The following DNM1L variants were observed in gnomAD, a reference collection of about 807,000 sequenced individuals.
The protein encoded by DNM1L is dynamin-1-like protein.
In DNM1L, 33 loss-of-function variants were observed where a neutral mutation model predicts 92.8. That is an observed-to-expected ratio of 0.36 (90% CI 0.27 to 0.48). DNM1L has a LOEUF of 0.48. DNM1L is among the 20% of genes least tolerant of loss of function. The pLI is 0.99. For missense variants in DNM1L, 485 were observed against 888.8 expected (o/e 0.55, Z 5.78); for synonymous variants, 284 against 305.0 (o/e 0.93, Z 0.72).
Position 32,743,526 on chromosome 12 carries a change from T to TG in DNM1L, c.*118dup. On this transcript the variant is annotated 3_prime_UTR_variant, in exon 20 of 20. Coordinates refer to ENST00000549701, the MANE Select transcript of DNM1L (RefSeq NM_012062.5). ...TTGCAATGGTATGAATCTGCTCATGTGGAGACTGGCTATAAACTGAAAAGT... is the reference window on the plus strand; with the variant it reads ...TTGCAATGGTATGAATCTGCTCATGTGGGAGACTGGCTATAAACTGAAAAGT... The TG allele has an allele frequency of 1.0e-6, 1 of 974,540 alleles. No homozygotes were observed. Among genetic ancestry groups the TG allele is most frequent in the East Asian group, 2.5e-5 (1 of 39,782 alleles). The allele number at this position is 974,540 out of a possible 1,614,324, so 60.4% of individuals were successfully genotyped here. A position where few individuals can be genotyped will look rare whatever the true frequency, so the allele number is the denominator to read the frequency against.
chr12:32,720,523 C>A, intron 7 of DNM1L, 141 bp from the exon 8 acceptor site: 2 of 1,281,082 alleles, frequency 1.6e-6, no homozygotes, highest in South Asian at 1.3e-5. Context: ...GGTAATAATA[C>A]CTGCCACATA....
rs1954156714 is a variant in DNM1L at position 32,726,523 on chromosome 12, C to T, written c.1079+3890C>T. On this transcript the variant is annotated intron_variant, in intron 9 of 19. Transcript: ENST00000549701. Reference sequence around the variant, plus strand: ...TCATCATCATCTTCAGTAGCTTCTCCAGTAAACTATAACACTGATCTTGGG... The same window carrying T: ...TCATCATCATCTTCAGTAGCTTCTCTAGTAAACTATAACACTGATCTTGGG... The T allele has an allele frequency of 4.6e-5, 49 of 1,074,628 alleles. 2 individuals are homozygous for T. The South Asian group carries it at 6.1e-4, about 13-fold the overall frequency. The allele number at this position is 1,074,628 out of a possible 1,614,324, so 66.6% of individuals were successfully genotyped here.
At chr12:32,725,956 T>G (rs779008725) in intron 9 of DNM1L, among the ~76,000 whole-genome samples, 7 of 151,442 alleles carry the variant, frequency 4.6e-5, no homozygotes, top group Non-Finnish European at 1.0e-4. Context: ...TACAAGTCCC[T>G]GCATTTCTGT....
At chr12:32,690,813 AT>A (rs1437009277) in intron 1 of DNM1L, among the ~76,000 whole-genome samples, 2 of 152,154 alleles carry the variant, frequency 1.3e-5, no homozygotes, top group Non-Finnish European at 1.5e-5. Context: ...AAAAATGAGC[AT>A]TTTGGGGCAG....
Position 32,740,155 on chromosome 12 carries a change from A to C in DNM1L, c.1799A>C (p.Glu600Ala), listed in dbSNP as rs142350144. 1 of 1,614,170 alleles carries C rather than the reference A, an allele frequency of 6.2e-7. No homozygotes were observed. Among genetic ancestry groups the C allele is most frequent in the Non-Finnish European group, 8.5e-7 (1 of 1,180,034 alleles). ...RGMLKTSKAE[E>A]LLAEEKSKPI... ...ATGCTGAAAACTTCAAAAGCTGAAGAGTTATTAGCAGAAGAAAAATCAAAA... is the reference window on the plus strand; with the variant it reads ...ATGCTGAAAACTTCAAAAGCTGAAGCGTTATTAGCAGAAGAAAAATCAAAA... Residue 600 changes from glutamate (E) to alanine (A), a missense_variant, in exon 17 of 20, where the codon GAG becomes GCG. Physicochemically the swap from Glu to Ala is moderately radical, Grantham distance 107 (BLOSUM62 -1). Coordinates refer to ENST00000549701, the MANE Select transcript of DNM1L (RefSeq NM_012062.5).
chr12:32,711,061 G>A (rs752560951), intron 5 of DNM1L, 46 bp downstream of exon 5: 7 of 1,483,546 alleles, frequency 4.7e-6, no homozygotes, highest in Admixed American at 1.7e-5. Context: ...TTTTCACTTC[G>A]TTGACATCCC....
intron 9 of DNM1L, among the ~76,000 whole-genome samples, chr12:32,724,589 A>ATATATAT (rs1555123381): frequency 1.1e-4 from 9 of 80,812 alleles, no homozygotes; most frequent in East Asian, 2.4e-4. Flanking sequence ...AAAAAAAAAA[A>ATATATAT]AAAAATATAT....
At chr12:32,737,197 TAAAG>T in intron 14 of DNM1L, 36 bp downstream of exon 14, 2 of 1,603,578 alleles carry the variant, frequency 1.2e-6, no homozygotes, top group Non-Finnish European at 1.7e-6. Context: ...TCCCAATACC[TAAAG>T]ATAGATTGAT....
At chr12:32,685,925 A>G (rs1477777589) in intron 1 of DNM1L, among the ~76,000 whole-genome samples, 2 of 144,988 alleles carry the variant, frequency 1.4e-5, no homozygotes, top group East Asian at 4.1e-4. Flanking sequence ...CTGCTTATGC[A>G]TTGTTTTCTT....
intron 1 of DNM1L, among the ~76,000 whole-genome samples, chr12:32,696,426 G>C (rs1362195008): frequency 6.7e-6 from 1 of 149,666 alleles, no homozygotes; most frequent in Non-Finnish European, 1.5e-5. Flanking sequence ...AATATAGTGA[G>C]ACCCTGTCTA....
chr12:32,691,034 G>C (rs991249233), intron 1 of DNM1L, among the ~76,000 whole-genome samples: 1 of 152,148 alleles, frequency 6.6e-6, no homozygotes, highest in African/African-American at 2.4e-5. Context: ...TCACAGACTG[G>C]GTAGCTTAAA....
At chr12:32,680,135 G>T (rs1347489353) in intron 1 of DNM1L, 1 of 576,612 alleles carries the variant, frequency 1.7e-6, no homozygotes, top group Non-Finnish European at 2.2e-6. Context: ...CGTAGGCTGT[G>T]CTTTTTGTCT....
chr12:32,691,172 T>C (rs1952215667), intron 1 of DNM1L, among the ~76,000 whole-genome samples: 1 of 152,192 alleles, frequency 6.6e-6, no homozygotes, highest in Non-Finnish European at 1.5e-5. Flanking sequence ...GTGTCCGTGG[T>C]GTCTCTGTGT....
At chr12:32,741,847 C>T (rs11052211) in intron 18 of DNM1L, among the ~76,000 whole-genome samples, 23,381 of 152,124 alleles carry the variant, frequency 0.15, 1,902 homozygotes, top group Middle Eastern at 0.21. Flanking sequence ...ATAGGCTATA[C>T]CATCTACGTT....
At chr12:32,681,986 C>T (rs962572698) in intron 1 of DNM1L, among the ~76,000 whole-genome samples, 1 of 151,830 alleles carries the variant, frequency 6.6e-6, no homozygotes. Flanking sequence ...AGAGTGAGAC[C>T]CTGATTCTTC....
intron 13 of DNM1L, 151 bp downstream of exon 13, chr12:32,733,958 T>C (rs1954719879): frequency 2.9e-6 from 2 of 690,868 alleles, no homozygotes; most frequent in South Asian, 1.7e-5. Context: ...GGGGATTACA[T>C]TGTTTTCTTA....
chr12:32,740,429 A>G lies in DNM1L; in HGVS notation c.1905A>G (p.Lys635=). 6.2e-7 allele frequency: 1 copy of G among 1,614,026 alleles called. No homozygotes were observed. The highest frequency in any genetic ancestry group is 8.5e-7 in the Non-Finnish European group (1 of 1,179,948). ...TTTAGCCAGTTCCTGTTGCACGAAA[A>G]CTATCTGCTCGGGAACAGCGAGATT... The part of the protein sequence containing the change: ...LLDVPVPVAR[K]LSAREQRDCE... The change falls in exon 18 of 20, where the codon AAA becomes AAG. Residue 635 remains lysine (K), a synonymous_variant. Coordinates refer to ENST00000549701, the MANE Select transcript of DNM1L (RefSeq NM_012062.5).
intron 9 of DNM1L, chr12:32,722,836 C>G: frequency 3.6e-6 from 1 of 279,344 alleles, no homozygotes; most frequent in African/African-American, 2.2e-5. Flanking sequence ...AAAATTGTCA[C>G]ATATTTTTAA....
intron 1 of DNM1L, among the ~76,000 whole-genome samples, chr12:32,683,247 A>G (rs1035824487): frequency 6.6e-6 from 1 of 152,124 alleles, no homozygotes; most frequent in Non-Finnish European, 1.5e-5. Context: ...TTATTTTTTT[A>G]GGGTCTGGCT....
Sources: allele counts gnomAD v4.1 joint callset (sites outside exome capture counted in the v4.1 genomes callset), GRCh38; gene constraint gnomAD v4.1.1; transcripts MANE v1.5; gene names NCBI Gene and HGNC (gene_info 2026-07-23, HGNC 2026-07-21).